The following ANO3 variants were observed in gnomAD, a reference collection of about 807,000 sequenced individuals.
ANO3 encodes the protein anoctamin-3.
ANO3 carries 99 observed loss-of-function variants against 144.8 expected under a neutral mutation model. That is an observed-to-expected ratio of 0.68 (90% CI 0.58 to 0.81). The LOEUF (loss-of-function observed/expected upper bound fraction) is 0.81. ANO3 is among the 30% of genes least tolerant of loss of function. The pLI, the probability that ANO3 is intolerant of heterozygous loss-of-function variation, is 0.00. For synonymous variants in ANO3, 414 were observed against 392.6 expected, an observed-to-expected ratio of 1.05 and a Z score of -0.64; for missense variants, 905 against 1,202.2, an observed-to-expected ratio of 0.75 and a Z score of 3.66.
intron 3 of ANO3, among the ~76,000 whole-genome samples, chr11:26,449,681 A>G (rs1858848955): frequency 6.6e-6 from 1 of 152,140 alleles, no homozygotes; most frequent in Non-Finnish European, 1.5e-5. Context: ...TTGTATTTAA[A>G]TTGTGATGAT....
At chr11:26,394,693 T>G (rs1323036347) in intron 1 of ANO3, among the ~76,000 whole-genome samples, 2 of 150,696 alleles carry the variant, frequency 1.3e-5, no homozygotes, top group Non-Finnish European at 2.9e-5. Flanking sequence ...TTCTCCTGCC[T>G]CAGCCTACCA....
chr11:26,440,391 A>G (rs1858469585), intron 1 of ANO3, among the ~76,000 whole-genome samples: 2 of 152,166 alleles, frequency 1.3e-5, no homozygotes, highest in Non-Finnish European at 2.9e-5. Context: ...AATATGAATG[A>G]CAGGGGGTGT....
intron 1 of ANO3, among the ~76,000 whole-genome samples, chr11:26,240,865 T>C (rs896877749): frequency 6.6e-6 from 1 of 152,210 alleles, no homozygotes; most frequent in Non-Finnish European, 1.5e-5. Flanking sequence ...TTTAAATTTC[T>C]ATAATATGTA....
intron 10 of ANO3, 21 bp downstream of exon 10, chr11:26,537,482 C>A: frequency 6.2e-7 from 1 of 1,602,094 alleles, no homozygotes. Flanking sequence ...AATACAGTTT[C>A]CGCTTTATAA....
chr11:26,522,877 T>TA (rs1862139655), intron 6 of ANO3, among the ~76,000 whole-genome samples: 2 of 152,032 alleles, frequency 1.3e-5, no homozygotes. Context: ...TCATTTTTTT[T>TA]AATATAGCCA....
At chr11:26,191,410 G>A (rs1013532419) in intron 1 of ANO3, among the ~76,000 whole-genome samples, 3 of 151,056 alleles carry the variant, frequency 2.0e-5, no homozygotes, top group Admixed American at 6.6e-5. Flanking sequence ...CTGAAACACC[G>A]CTCTCTTCAT....
At chr11:26,560,866 G>A (rs2134248003) in intron 14 of ANO3, 1 of 493,302 alleles carries the variant, frequency 2.0e-6, no homozygotes, top group Admixed American at 4.3e-5. Flanking sequence ...AAATGCCTCA[G>A]GATGGCCAAA....
At chr11:26,445,292 A>G (rs572550720) in intron 3 of ANO3, among the ~76,000 whole-genome samples, 1 of 152,224 alleles carries the variant, frequency 6.6e-6, no homozygotes. Context: ...CTTGTCCAAA[A>G]TATCCATACA....
chr11:26,314,552 T>C (rs1026733126), intron 1 of ANO3, among the ~76,000 whole-genome samples: 5 of 152,096 alleles, frequency 3.3e-5, no homozygotes, highest in African/African-American at 1.2e-4. Context: ...TGCCCTATGA[T>C]TATAAGTGAG....
Position 26,641,927 on chromosome 11 carries a change from A to G in ANO3, c.2173A>G (p.Ile725Val). ...LIQNWWSRHK[I>V]KRGIHDASIP... ...CCAGAACTGGTGGTCACGACATAAA[A>G]TCAAGCGGGGAATACATGATGCTTC... The change falls in exon 22 of 27, where the codon ATC (isoleucine) becomes GTC (valine). Residue 725 changes from isoleucine (I) to valine (V), a missense_variant. Transcript: ENST00000256737. The G allele has an allele frequency of 1.9e-6, 3 of 1,614,034 alleles. No individual in the cohort carries two copies. The highest frequency in any genetic ancestry group is 2.5e-6 in the Non-Finnish European group (3 of 1,179,962).
intron 14 of ANO3, among the ~76,000 whole-genome samples, chr11:26,578,382 G>A (rs1428093714): frequency 6.6e-6 from 1 of 152,154 alleles, no homozygotes; most frequent in Non-Finnish European, 1.5e-5. Context: ...ATTGACATAG[G>A]AGACAAAGAG....
intron 4 of ANO3, among the ~76,000 whole-genome samples, chr11:26,500,986 G>T (rs1438626859): frequency 6.6e-6 from 1 of 152,122 alleles, no homozygotes; most frequent in African/African-American, 2.4e-5. Context: ...CCAGTGTCTA[G>T]ACTTCCATCT....
At chr11:26,206,568 T>C (rs906303475) in intron 1 of ANO3, among the ~76,000 whole-genome samples, 1 of 152,124 alleles carries the variant, frequency 6.6e-6, no homozygotes, top group African/African-American at 2.4e-5. Context: ...ACTTCACAAA[T>C]GAAAATTATT....
intron 3 of ANO3, among the ~76,000 whole-genome samples, chr11:26,460,705 A>T (rs1034840047): frequency 6.8e-5 from 5 of 73,548 alleles, no homozygotes; most frequent in African/African-American, 1.3e-4. Context: ...ATTAAAGAAA[A>T]AAGTAAACAG....
intron 1 of ANO3, among the ~76,000 whole-genome samples, chr11:26,387,223 C>G (rs2133957801): frequency 6.6e-6 from 1 of 151,020 alleles, no homozygotes; most frequent in South Asian, 2.1e-4. Context: ...CCGTCCACCT[C>G]AGCCTCCTAA....
Position 26,534,498 on chromosome 11 carries a change from T to G in ANO3, c.912T>G (p.Thr304=), listed in dbSNP as rs771439974. ...AAGACACCTTCTTCAGCAATGCTACTCGAAGCAGAATAGTCTATCACATGC... is the reference window on the plus strand; with the variant it reads ...AAGACACCTTCTTCAGCAATGCTACGCGAAGCAGAATAGTCTATCACATGC... ...NNKDTFFSNA[T]RSRIVYHMLE... The change falls in exon 9 of 27, where the codon ACT becomes ACG. Residue 304 remains threonine (T), a synonymous_variant. Transcript: ENST00000256737. 5 of 1,613,182 alleles carry G rather than the reference T, an allele frequency of 3.1e-6. No individual in the cohort carries two copies. In the Admixed American group the frequency reaches 5.0e-5, roughly 16 times the overall value.
Position 26,553,222 on chromosome 11 carries a change from TTG to T in ANO3, c.1290-25_1290-24del, listed in dbSNP as rs1491146642. 50 of 1,213,076 alleles carry T rather than the reference TTG, an allele frequency of 4.1e-5. 5 individuals carry two copies. The highest frequency in any genetic ancestry group is 1.5e-4 in the Admixed American group (7 of 47,114). 75.1% of individuals were successfully genotyped at this position (1,213,076 alleles called of 1,614,324 possible). ...TCACAGTTTCATGCTATGTTTTGTT[TTG>T]TTTTTGTTTTTGTTTTTTCTCAAGC... On this transcript the variant is annotated intron_variant, in intron 12 of 26. Coordinates refer to ENST00000256737, the MANE Select transcript of ANO3 (RefSeq NM_031418.4).
chr11:26,398,135 T>C lies in ANO3; in HGVS notation c.47-43783T>C, dbSNP rs927106018. Among the ~76,000 whole-genome samples, 8 of 152,120 alleles carry C rather than the reference T, an allele frequency of 5.3e-5. No individual in the cohort carries two copies. In the East Asian group the frequency reaches 7.7e-4, roughly 15 times the overall value. The stretch of plus-strand genomic sequence containing the variant: ...AGAAAACACTCTAAAAATATACAGG[T>C]ACAATGCCAGGTGGCAGCTCAGATT... On this transcript the variant is annotated intron_variant, in intron 1 of 26. Coordinates refer to ENST00000256737, the MANE Select transcript of ANO3 (RefSeq NM_031418.4).
chr11:26,291,206 T>C (rs1271488835), intron 1 of ANO3, among the ~76,000 whole-genome samples: 1 of 152,194 alleles, frequency 6.6e-6, no homozygotes, highest in Non-Finnish European at 1.5e-5. Flanking sequence ...TTAAAGCCTG[T>C]TTTATCAGAG....
Sources: allele counts gnomAD v4.1 joint callset (sites outside exome capture counted in the v4.1 genomes callset), GRCh38; gene constraint gnomAD v4.1.1; transcripts MANE v1.5; gene names NCBI Gene and HGNC (gene_info 2026-07-23, HGNC 2026-07-21).